Variants in GFRA1 observed in about 807,000 individuals in gnomAD.
GFRA1 encodes GDNF family receptor alpha 1, also known as GDNF family receptor alpha-1.
GFRA1 carries 16 observed loss-of-function variants against 51.6 expected under a neutral mutation model. That is an observed-to-expected ratio of 0.31 (90% CI 0.21 to 0.47). The LOEUF (loss-of-function observed/expected upper bound fraction) is 0.47. Among genes scored for constraint, GFRA1 ranks in the 20% least tolerant of loss-of-function variants. The probability of loss-of-function intolerance (pLI) is 1.00; values close to 1 mark genes in which losing one functional copy is unlikely to be tolerated. For missense variants in GFRA1, 530 were observed against 594.3 expected, an observed-to-expected ratio of 0.89 and a Z score of 1.13; for synonymous variants, 270 against 241.3, an observed-to-expected ratio of 1.12 and a Z score of -1.10.
intron 9 of GFRA1, among the ~76,000 whole-genome samples, chr10:116,089,297 G>A (rs74158565): frequency 0.04 from 6,155 of 152,202 alleles, 389 homozygotes; most frequent in African/African-American, 0.14. Flanking sequence ...ACTGTCTCTG[G>A]TTTACCTTTA....
chr10:116,167,677 C>A (rs1960612271), intron 5 of GFRA1, among the ~76,000 whole-genome samples: 1 of 151,922 alleles, frequency 6.6e-6, no homozygotes, highest in South Asian at 2.1e-4. Context: ...GAGAGCTTGA[C>A]TTTTAAAATA....
intron 4 of GFRA1, among the ~76,000 whole-genome samples, chr10:116,213,812 G>A (rs1254749784): frequency 1.3e-5 from 2 of 152,162 alleles, no homozygotes; most frequent in African/African-American, 2.4e-5. Flanking sequence ...TACTCCCAAG[G>A]GCACACTGAG....
At chr10:116,111,212 T>G (rs948314879) in intron 6 of GFRA1, among the ~76,000 whole-genome samples, 2 of 152,210 alleles carry the variant, frequency 1.3e-5, no homozygotes, top group Admixed American at 1.3e-4. Context: ...GCTTTGCATT[T>G]TCAGGTATAA....
chr10:116,156,291 G>C lies in GFRA1; in HGVS notation c.434-30734C>G, dbSNP rs575408767. The stretch of plus-strand genomic sequence containing the variant: ...ATCATTTCAAAAGGAGGAAATGACA[G>C]GTCATTAGGAGGAATTTCAAACGAA... On this transcript the variant is annotated intron_variant, in intron 5 of 10. Coordinates refer to ENST00000355422, the MANE Select transcript of GFRA1 (RefSeq NM_005264.8). Among the ~76,000 whole-genome samples, 9 of 152,284 alleles carry C rather than the reference G, an allele frequency of 5.9e-5. No homozygotes were observed. The South Asian group carries it at 1.0e-3, about 18-fold the overall frequency.
At chr10:116,122,559 A>G (rs967840849) in intron 6 of GFRA1, among the ~76,000 whole-genome samples, 6 of 152,122 alleles carry the variant, frequency 3.9e-5, no homozygotes, top group South Asian at 4.1e-4. Flanking sequence ...TATTCTCACT[A>G]CAGCTTAGCA....
chr10:116,076,092 G>A (rs1026263637), intron 9 of GFRA1, among the ~76,000 whole-genome samples: 6 of 151,976 alleles, frequency 3.9e-5, no homozygotes, highest in Admixed American at 6.6e-5. Flanking sequence ...AACAAAGGAC[G>A]GTATTGCCTC....
At chr10:116,175,656 T>A (rs1410256110) in intron 5 of GFRA1, among the ~76,000 whole-genome samples, 2 of 152,156 alleles carry the variant, frequency 1.3e-5, no homozygotes, top group Non-Finnish European at 2.9e-5. Flanking sequence ...TTTGGCATTG[T>A]CCTATCATGG....
At chr10:116,204,746 G>T (rs1268743893) in intron 5 of GFRA1, among the ~76,000 whole-genome samples, 5 of 152,182 alleles carry the variant, frequency 3.3e-5, no homozygotes, top group Admixed American at 6.6e-5. Context: ...AAATACCTAT[G>T]AGTTCATATT....
chr10:116,116,643 G>A (rs1248151672), intron 6 of GFRA1, among the ~76,000 whole-genome samples: 1 of 152,140 alleles, frequency 6.6e-6, no homozygotes, highest in Non-Finnish European at 1.5e-5. Flanking sequence ...AATATTAATA[G>A]TAAAGCCAGC....
chr10:116,084,538 G>A (rs1214780240), intron 9 of GFRA1, among the ~76,000 whole-genome samples: 1 of 152,166 alleles, frequency 6.6e-6, no homozygotes, highest in Non-Finnish European at 1.5e-5. Context: ...ATTTCCAGGG[G>A]CAAGGGGCTG....
At chr10:116,109,286 C>G (rs943526826) in intron 6 of GFRA1, among the ~76,000 whole-genome samples, 1 of 152,144 alleles carries the variant, frequency 6.6e-6, no homozygotes, top group African/African-American at 2.4e-5. Context: ...AATGTTCCCT[C>G]TTTTCATTTT....
At position 116,272,449 on chromosome 10, in the gene GFRA1, G is replaced by C; in HGVS notation, c.-246-174C>G. ...TGTTTTCCAGGGGCCGCTGACACGG[G>C]GATGGAGGTGAGGGCTGGAGAGGTC... On this transcript the variant is annotated intron_variant, in intron 1 of 10. Coordinates refer to ENST00000355422, the MANE Select transcript of GFRA1 (RefSeq NM_005264.8). The surrounding 1 kb of genome is among the most constrained non-coding windows in gnomAD (Gnocchi z 4.4). The C allele has an allele frequency of 3.2e-6, 1 of 309,524 alleles. No individual in the cohort carries two copies. Among genetic ancestry groups the C allele is most frequent in the Non-Finnish European group, 6.2e-6 (1 of 160,260 alleles). 19.2% of individuals were successfully genotyped at this position (309,524 alleles called of 1,614,324 possible).
chr10:116,070,409 C>T (rs1955326077), intron 9 of GFRA1, among the ~76,000 whole-genome samples: 1 of 152,154 alleles, frequency 6.6e-6, no homozygotes, highest in African/African-American at 2.4e-5. Context: ...ATGAGTTCGT[C>T]CCAAAACAGT....
chr10:116,146,658 C>T (rs1958812967), intron 5 of GFRA1, among the ~76,000 whole-genome samples: 1 of 152,212 alleles, frequency 6.6e-6, no homozygotes, highest in African/African-American at 2.4e-5. Context: ...ACAGAAGTAA[C>T]TGGGAACCCT....
Position 116,250,325 on chromosome 10 carries a change from G to A in GFRA1, c.418+19178C>T, listed in dbSNP as rs530704164. Among the ~76,000 whole-genome samples the A allele has an allele frequency of 1.2e-4, 18 of 152,286 alleles. No individual in the cohort carries two copies. In the South Asian group the frequency reaches 2.1e-3, roughly 18 times the overall value. ...CAACTAAGGAGAGAGGACCCAGGGCGCTAAGTCCCCACTCTAGCCCCATTT... is the reference window on the plus strand; with the variant it reads ...CAACTAAGGAGAGAGGACCCAGGGCACTAAGTCCCCACTCTAGCCCCATTT... On this transcript the variant is annotated intron_variant, in intron 4 of 10. Transcript: ENST00000355422.
rs576801778 is a variant in GFRA1 at position 116,268,984 on chromosome 10, T to C, written c.418+519A>G. Among the ~76,000 whole-genome samples, 12 of 152,158 alleles carry C rather than the reference T, an allele frequency of 7.9e-5. No homozygotes were observed. In the East Asian group the frequency reaches 2.1e-3, roughly 27 times the overall value. ...ATGCACACACTTGCTCAGGAAAAAA[T>C]AGAAGCAAAAGAATTGTTAACAAAT... On this transcript the variant is annotated intron_variant, in intron 4 of 10. Coordinates refer to ENST00000355422, the MANE Select transcript of GFRA1 (RefSeq NM_005264.8).
At chr10:116,262,788 G>A (rs1196777140) in intron 4 of GFRA1, among the ~76,000 whole-genome samples, 4 of 152,192 alleles carry the variant, frequency 2.6e-5, no homozygotes, top group Non-Finnish European at 5.9e-5. Context: ...GCAGACGGAA[G>A]CATCTCCTAG....
chr10:116,250,804 T>TGGC (rs1167447842), intron 4 of GFRA1, among the ~76,000 whole-genome samples: 1 of 152,212 alleles, frequency 6.6e-6, no homozygotes, highest in Non-Finnish European at 1.5e-5. Context: ...GCCCTGGTGG[T>TGGC]GGCCTGGTCC....
chr10:116,192,992 C>G (rs1050329336), intron 5 of GFRA1, among the ~76,000 whole-genome samples: 1 of 152,092 alleles, frequency 6.6e-6, no homozygotes, highest in Non-Finnish European at 1.5e-5. Flanking sequence ...ACTCCTACCC[C>G]CTCCATCTCT....
Sources: allele counts gnomAD v4.1 joint callset (sites outside exome capture counted in the v4.1 genomes callset), GRCh38; gene constraint gnomAD v4.1.1; non-coding constraint Gnocchi (gnomAD v3.1); transcripts MANE v1.5; gene names NCBI Gene and HGNC (gene_info 2026-07-23, HGNC 2026-07-21).